CEP41: variants seen among roughly 807,000 people sequenced by gnomAD.
CEP41 encodes centrosomal protein 41, also known as centrosomal protein of 41 kDa.
In CEP41, 32 loss-of-function variants were observed where a neutral mutation model predicts 44.3. The ratio of observed to expected loss-of-function variants is 0.72; its 90% CI spans 0.54 to 0.97. CEP41 has a LOEUF of 0.97. Ranked by LOEUF, CEP41 falls within the 50% of genes least tolerant of loss-of-function variation. The pLI is 0.00. For missense variants in CEP41, 432 were observed against 455.2 expected (o/e 0.95, Z 0.46); for synonymous variants, 151 against 168.5 (o/e 0.90, Z 0.80).
chr7:130,413,087 G>A (rs1797232010), intron 3 of CEP41, among the ~76,000 whole-genome samples: 1 of 152,080 alleles, frequency 6.6e-6, no homozygotes, highest in Non-Finnish European at 1.5e-5. Flanking sequence ...CGCCTCTCAG[G>A]TTCGAGGGAT....
chr7:130,437,419 G>A (rs1260230945), intron 1 of CEP41, among the ~76,000 whole-genome samples: 1 of 150,824 alleles, frequency 6.6e-6, no homozygotes, highest in African/African-American at 2.4e-5. Flanking sequence ...CACAAAGCAA[G>A]AGAATGGCTT....
chr7:130,404,465 T>A, intron 6 of CEP41, 99 bp downstream of exon 6: 1 of 947,862 alleles, frequency 1.1e-6, no homozygotes, highest in South Asian at 1.3e-5. Flanking sequence ...CTCCTGCCAG[T>A]TCTGTTTCTA....
At chr7:130,399,183 C>T (rs939144029) in intron 10 of CEP41, 144 bp from the exon 11 acceptor site, 20 of 909,938 alleles carry the variant, frequency 2.2e-5, no homozygotes, top group South Asian at 1.4e-4. Context: ...TTTAGGCCAA[C>T]GATGGCCTAC....
chr7:130,394,593 G>C lies in CEP41; in HGVS notation c.*4298C>G, dbSNP rs750154468. 4.4e-6 allele frequency: 2 copies of C among 453,774 alleles called. No individual in the cohort carries two copies. Among genetic ancestry groups the C allele is most frequent in the South Asian group, 3.1e-5 (2 of 64,444 alleles). The allele number at this position is 453,774 out of a possible 1,614,324, so 28.1% of individuals were successfully genotyped here. ...TCTCTGGGTACTTCCTGTAGAGGGA[G>C]ATCTAAAAACCTCAGGGTTTTGAAT... On this transcript the variant is annotated 3_prime_UTR_variant, in exon 11 of 11. Transcript: ENST00000223208.
At chr7:130,440,478 G>A (rs1333700715) in intron 1 of CEP41, 1 of 298,796 alleles carries the variant, frequency 3.3e-6, no homozygotes, top group Non-Finnish European at 6.5e-6. Context: ...CCTATGGAGA[G>A]AGGGGTAAGC....
chr7:130,410,929 A>G, intron 5 of CEP41, 193 bp downstream of exon 5: 1 of 642,622 alleles, frequency 1.6e-6, no homozygotes, highest in Non-Finnish European at 2.8e-6. Context: ...TAGAGTCAGA[A>G]AACCAGATGG....
chr7:130,407,839 C>T (rs968179923), intron 5 of CEP41, among the ~76,000 whole-genome samples: 23 of 151,840 alleles, frequency 1.5e-4, no homozygotes, highest in African/African-American at 5.6e-4. Context: ...AAAATTCAAC[C>T]TCATATATAT....
At chr7:130,411,023 AG>A in intron 5 of CEP41, 98 bp downstream of exon 5, 1 of 982,314 alleles carries the variant, frequency 1.0e-6, no homozygotes, top group Admixed American at 1.7e-5. Flanking sequence ...GATACATCAA[AG>A]TCCCAGTCCC....
At chr7:130,426,437 GGAAA>G (rs142088435) in intron 2 of CEP41, among the ~76,000 whole-genome samples, 1,750 of 137,322 alleles carry the variant, frequency 0.013, 26 homozygotes, top group African/African-American at 0.041. Flanking sequence ...ATTTCCAGGA[GGAAA>G]GAAAAAAAAA....
chr7:130,422,798 C>G (rs1797547538), intron 2 of CEP41, among the ~76,000 whole-genome samples: 1 of 152,158 alleles, frequency 6.6e-6, no homozygotes, highest in African/African-American at 2.4e-5. Context: ...TGGGAGACTT[C>G]TGCTTCCAGA....
intron 2 of CEP41, among the ~76,000 whole-genome samples, chr7:130,423,312 T>C (rs1797564443): frequency 6.6e-6 from 1 of 152,186 alleles, no homozygotes; most frequent in African/African-American, 2.4e-5. Flanking sequence ...GGGCAAATGA[T>C]TTGAATAGAC....
chr7:130,441,169 A>C (rs1346037247), upstream of CEP41: 16 of 695,122 alleles, frequency 2.3e-5, 1 homozygote, highest in Middle Eastern at 4.7e-4. Flanking sequence ...ATGGTTGCCA[A>C]GGGCAACGCG....
Position 130,398,352 on chromosome 7 carries a change from T to A in CEP41, c.*539A>T. ...GCCTGCAATATGCTGGGCAGAGAGCTCCTTGCTGAGTGAGCCTGCTGGGGT... is the reference window on the plus strand; with the variant it reads ...GCCTGCAATATGCTGGGCAGAGAGCACCTTGCTGAGTGAGCCTGCTGGGGT... On this transcript the variant is annotated 3_prime_UTR_variant, in exon 11 of 11. Coordinates refer to ENST00000223208, the MANE Select transcript of CEP41 (RefSeq NM_018718.3). 2.2e-6 allele frequency: 1 copy of A among 453,974 alleles called. No homozygotes were observed. Among genetic ancestry groups the A allele is most frequent in the Non-Finnish European group, 4.4e-6 (1 of 226,770 alleles). The allele number at this position is 453,974 out of a possible 1,614,324, so 28.1% of individuals were successfully genotyped here.
At chr7:130,427,241 C>T (rs35062175) in intron 2 of CEP41, among the ~76,000 whole-genome samples, 29,090 of 152,066 alleles carry the variant, frequency 0.19, 2,787 homozygotes, top group African/African-American at 0.21. Flanking sequence ...ATTTTAATCA[C>T]GTGAATTTTC....
chr7:130,400,889 A>G (rs1796824237), intron 8 of CEP41, 68 bp from the exon 9 acceptor site: 1 of 1,002,978 alleles, frequency 1.0e-6, no homozygotes, highest in Non-Finnish European at 1.6e-6. Flanking sequence ...GAAACCCCCA[A>G]GGAATAAAAG....
At chr7:130,419,805 T>G (rs1554421726) in intron 2 of CEP41, 3 of 985,244 alleles carry the variant, frequency 3.0e-6, no homozygotes. Flanking sequence ...CCTTGCCACA[T>G]ACTCGTAAGA....
chr7:130,415,848 A>C lies in CEP41; in HGVS notation c.145+1071T>G, dbSNP rs143456376. 7.4e-4 allele frequency among the ~76,000 whole-genome samples: 112 copies of C among 152,324 alleles called. 1 individual carries two copies. The East Asian group carries it at 0.021, about 29-fold the overall frequency. The stretch of plus-strand genomic sequence containing the variant: ...GTTTAAAAGTATATATTTTATATAG[A>C]TATTTAAAATACATATACTTATGTA... On this transcript the variant is annotated intron_variant, in intron 3 of 10. Coordinates refer to ENST00000223208, the MANE Select transcript of CEP41 (RefSeq NM_018718.3).
chr7:130,400,662 G>T, intron 9 of CEP41, 45 bp downstream of exon 9: 1 of 1,152,674 alleles, frequency 8.7e-7, no homozygotes, highest in Non-Finnish European at 1.3e-6. Context: ...GGGACTGAAG[G>T]ATGATCAGCC....
intron 4 of CEP41, 52 bp from the exon 5 acceptor site, chr7:130,411,243 C>A: frequency 6.9e-7 from 1 of 1,456,756 alleles, no homozygotes; most frequent in South Asian, 1.1e-5. Context: ...TTTAAACAGA[C>A]GCAATTTTGT....
Sources: allele counts gnomAD v4.1 joint callset (sites outside exome capture counted in the v4.1 genomes callset), GRCh38; gene constraint gnomAD v4.1.1; transcripts MANE v1.5; gene names NCBI Gene and HGNC (gene_info 2026-07-23, HGNC 2026-07-21).